Variants in ACAN observed in about 807,000 individuals in gnomAD.
The protein encoded by ACAN is aggrecan.
A neutral mutation model predicts 169.1 loss-of-function variants in ACAN; 47 were observed. The ratio of observed to expected loss-of-function variants is 0.28; its 90% CI spans 0.22 to 0.35. ACAN has a LOEUF of 0.35. Among genes scored for constraint, ACAN ranks in the 10% least tolerant of loss-of-function variants. The pLI, the probability that ACAN is intolerant of heterozygous loss-of-function variation, is 1.00. For synonymous variants in ACAN, 1,115 were observed against 1,112.2 expected (o/e 1.00, Z -0.05); for missense variants, 2,716 against 2,759.9 (o/e 0.98, Z 0.36).
chr15:88,843,375 T>C lies in ACAN; in HGVS notation c.778T>C (p.Ser260Pro). ...CACAGGTGAGGTCTTTTATGCAACA[T>C]CTCCAGAGAAGTTCACCTTCCAGGA... Reference protein sequence around the residue: ...EMEGEVFYATSPEKFTFQEAA... With the variant: ...EMEGEVFYATPPEKFTFQEAA... The change falls in exon 6 of 19, where the codon TCT becomes CCT. Residue 260 changes from serine (S) to proline (P), a missense_variant. Physicochemically the swap from Ser to Pro is moderately conservative, Grantham distance 74. Around this residue, in one of 3 missense-constraint regions of ACAN, gnomAD observed 1,283 missense variants for 1,281.5 expected, o/e 1.00. Transcript: ENST00000560601. This position sits in a 1 kb window ranked among gnomAD's most constrained non-coding sequence, Gnocchi z 4.0. The C allele has an allele frequency of 6.3e-7, 1 of 1,584,900 alleles. No homozygotes were observed. The highest frequency in any genetic ancestry group is 8.6e-7 in the Non-Finnish European group (1 of 1,160,028).
chr15:88,837,112 C>T (rs567583857), intron 2 of ACAN, among the ~76,000 whole-genome samples: 3 of 152,334 alleles, frequency 2.0e-5, no homozygotes, highest in African/African-American at 2.4e-5. Flanking sequence ...CATCCTCCTA[C>T]GGGGACACCA....
chr15:88,838,646 C>T lies in ACAN; in HGVS notation c.71-17C>T. 6.4e-7 allele frequency: 1 copy of T among 1,559,942 alleles called. No individual in the cohort carries two copies. The highest frequency in any genetic ancestry group is 8.7e-7 in the Non-Finnish European group (1 of 1,149,684). On this transcript the variant is annotated splice_polypyrimidine_tract_variant and intron_variant, in intron 2 of 18. Transcript: ENST00000560601. The surrounding 1 kb of genome is among the most constrained non-coding windows in gnomAD (Gnocchi z 5.1). ...GGCACTAACAGGTCTCTCTTCTACC[C>T]CACCTCTCCCACACAGACCATGACA... is the stretch of plus-strand genomic sequence containing the variant.
At position 88,871,680 on chromosome 15, in the gene ACAN, G is replaced by A. The variant is rs1941992511; in HGVS notation, c.7219+140G>A. 1 of 1,231,532 alleles carries A rather than the reference G, an allele frequency of 8.1e-7. No individual in the cohort carries two copies. Among genetic ancestry groups the A allele is most frequent in the South Asian group, 1.5e-5 (1 of 64,834 alleles). The allele number at this position is 1,231,532 out of a possible 1,614,324, so 76.3% of individuals were successfully genotyped here. ...GGGGAGGGGGAACAGTGTTCCCACAGTCTGAGCTCCCAGAGAGAAGACAAC... is the reference window on the plus strand; with the variant it reads ...GGGGAGGGGGAACAGTGTTCCCACAATCTGAGCTCCCAGAGAGAAGACAAC... On this transcript the variant is annotated intron_variant, in intron 15 of 18. Coordinates refer to ENST00000560601, the MANE Select transcript of ACAN (RefSeq NM_001369268.1). This position sits in a 1 kb window ranked among gnomAD's most constrained non-coding sequence, Gnocchi z 7.8.
intron 12 of ACAN, among the ~76,000 whole-genome samples, 166 bp from the exon 13 acceptor site, chr15:88,860,160 T>C (rs1390235136): frequency 7.0e-6 from 1 of 142,628 alleles, no homozygotes; most frequent in African/African-American, 2.8e-5. Context: ...CTCCCCCCGA[T>C]GCTGTGGGCC....
In ACAN at chr15:88,858,064, T is replaced by G. The variant is rs756182341; in HGVS notation, c.5479T>G (p.Ser1827Ala). The change falls in exon 12 of 19, where the codon TCT (serine) becomes GCT (alanine). Residue 1827 changes from serine (S) to alanine (A), a missense_variant. By Grantham distance (99) the Ser-to-Ala change is moderately conservative. Transcript: ENST00000560601. The surrounding 1 kb of genome is among the most constrained non-coding windows in gnomAD (Gnocchi z 4.0). ...SGTTSGSGES[S>A]GITFVDTSLV... ...TACCACGAGTGGCAGCGGTGAATCTTCTGGGATTACATTTGTGGACACCAG... is the reference window on the plus strand; with the variant it reads ...TACCACGAGTGGCAGCGGTGAATCTGCTGGGATTACATTTGTGGACACCAG... 1.9e-6 allele frequency: 3 copies of G among 1,613,784 alleles called. No individual in the cohort carries two copies. The African/African-American group carries it at 4.0e-5, about 22-fold the overall frequency.
chr15:88,829,251 C>G (rs1456977976), intron 1 of ACAN, among the ~76,000 whole-genome samples: 1 of 152,192 alleles, frequency 6.6e-6, no homozygotes, highest in Admixed American at 6.5e-5. Flanking sequence ...GTATTGGCAG[C>G]TACAAAAATT....
In ACAN at chr15:88,874,197, G is replaced by C; in HGVS notation, c.7630+173G>C. 1 of 1,057,668 alleles carries C rather than the reference G, an allele frequency of 9.5e-7. No homozygotes were observed. The highest frequency in any genetic ancestry group is 1.4e-6 in the Non-Finnish European group (1 of 711,272). The allele number at this position is 1,057,668 out of a possible 1,614,324, so 65.5% of individuals were successfully genotyped here. ...TGACCACTGCCCTTAGAAGGGCCAC[G>C]TACTTGTCCCAGGAGAGGGCTCACT... On this transcript the variant is annotated intron_variant, in intron 18 of 18. Coordinates refer to ENST00000560601, the MANE Select transcript of ACAN (RefSeq NM_001369268.1). This position sits in a 1 kb window ranked among gnomAD's most constrained non-coding sequence, Gnocchi z 7.3.
In ACAN at chr15:88,868,329, G is replaced by T; in HGVS notation, c.7060G>T (p.Asp2354Tyr). ...PSYEGDLCEI[D>Y]QEVCEEGWNK... Reference sequence around the variant, plus strand: ...CTACGAAGGGGACCTGTGTGAGATTGGTACGGCCGTCTTGGCTTCAGCTAA... The same window carrying T: ...CTACGAAGGGGACCTGTGTGAGATTTGTACGGCCGTCTTGGCTTCAGCTAA... The change falls in exon 14 of 19, where the codon GAC becomes TAC. Residue 2354 changes from aspartate (D) to tyrosine (Y), a missense_variant and splice_region_variant. By Grantham distance (160) the Asp-to-Tyr change is radical (BLOSUM62 -3). Transcript: ENST00000560601. This position sits in a 1 kb window ranked among gnomAD's most constrained non-coding sequence, Gnocchi z 5.2. 1.4e-6 allele frequency: 1 copy of T among 702,618 alleles called. No homozygotes were observed. Among genetic ancestry groups the T allele is most frequent in the South Asian group, 1.5e-5 (1 of 67,554 alleles). The allele number at this position is 702,618 out of a possible 1,614,324, so 43.5% of individuals were successfully genotyped here.
intron 1 of ACAN, among the ~76,000 whole-genome samples, chr15:88,818,675 A>G (rs1453975247): frequency 1.3e-5 from 2 of 152,218 alleles, no homozygotes; most frequent in African/African-American, 2.4e-5. Flanking sequence ...TGTTGGACTC[A>G]TTGGAAGATA....
At chr15:88,809,218 G>C (rs753449413) in intron 1 of ACAN, among the ~76,000 whole-genome samples, 1 of 152,140 alleles carries the variant, frequency 6.6e-6, no homozygotes, top group African/African-American at 2.4e-5. Flanking sequence ...TTTGGGGCAG[G>C]GTTGCCATAG....
In ACAN at chr15:88,855,277, G is replaced by C. The variant is rs1897026162; in HGVS notation, c.2692G>C (p.Asp898His). 1 of 1,610,576 alleles carries C rather than the reference G, an allele frequency of 6.2e-7. No homozygotes were observed. The highest frequency in any genetic ancestry group is 8.5e-7 in the Non-Finnish European group (1 of 1,177,542). Residue 898 changes from aspartate (D) to histidine (H), a missense_variant, in exon 12 of 19, where the codon GAC becomes CAC. Asp to His is a moderately conservative substitution (Grantham distance 81). Around this residue, in one of 3 missense-constraint regions of ACAN, gnomAD observed 1,283 missense variants for 1,281.5 expected, o/e 1.00. Transcript: ENST00000560601. ...CAGGGCAAGTGGACTGCCCTCTGGA[G>C]ACCTGGACTCCAGTGGTCTTACTTC... ...GDRASGLPSG[D>H]LDSSGLTSTV...
chr15:88,854,264 C>G (rs1896997574), intron 11 of ACAN, among the ~76,000 whole-genome samples: 1 of 152,178 alleles, frequency 6.6e-6, no homozygotes, highest in African/African-American at 2.4e-5. Flanking sequence ...ACAAGGAGGG[C>G]TTGCTAAAAC....
intron 2 of ACAN, among the ~76,000 whole-genome samples, chr15:88,836,715 T>C (rs1326562479): frequency 6.6e-6 from 1 of 152,206 alleles, no homozygotes; most frequent in African/African-American, 2.4e-5. Context: ...CCCCAGGGAA[T>C]CAGACAGGTC....
Position 88,807,352 on chromosome 15 carries a change from C to T in ACAN, c.-8+3543C>T, listed in dbSNP as rs180958449. 1.3e-5 allele frequency among the ~76,000 whole-genome samples: 2 copies of T among 152,346 alleles called. No individual in the cohort carries two copies. Among genetic ancestry groups the T allele is most frequent in the Admixed American group, 6.5e-5 (1 of 15,312 alleles). On this transcript the variant is annotated intron_variant, in intron 1 of 18. Transcript: ENST00000560601. This position sits in a 1 kb window ranked among gnomAD's most constrained non-coding sequence, Gnocchi z 4.0. ...AGGAGCCTTCCTCTCCTGCTGTCAA[C>T]GGCCTGGCCTCGTGGCCATGCTTCG...
Position 88,857,881 on chromosome 15 carries a change from A to C in ACAN, c.5296A>C (p.Ser1766Arg). The C allele has an allele frequency of 6.2e-7, 1 of 1,613,530 alleles. No homozygotes were observed. Among genetic ancestry groups the C allele is most frequent in the Non-Finnish European group, 8.5e-7 (1 of 1,179,690 alleles). The change falls in exon 12 of 19, where the codon AGT becomes CGT. Residue 1766 changes from serine to arginine, a missense_variant. Coordinates refer to ENST00000560601, the MANE Select transcript of ACAN (RefSeq NM_001369268.1). ...SGLSSGQPGI[S>R]GEASGVLYGT... ...GCTGTCCTCTGGACAACCAGGTATT[A>C]GTGGAGAAGCATCTGGAGTTCTTTA...
intron 7 of ACAN, 43 bp from the exon 8 acceptor site, chr15:88,847,199 CA>C: frequency 2.0e-6 from 3 of 1,497,726 alleles, no homozygotes; most frequent in Non-Finnish European, 2.7e-6. Flanking sequence ...GGAAGCTGCA[CA>C]CCGTGGGTCC....
chr15:88,859,485 A>G (rs1897149286), intron 12 of ACAN, 68 bp downstream of exon 12: 7 of 1,547,170 alleles, frequency 4.5e-6, no homozygotes, highest in Middle Eastern at 1.7e-4. Context: ...GCAGCACAGA[A>G]GGAGGCAGCA....
At chr15:88,820,626 A>G (rs1213258165) in intron 1 of ACAN, among the ~76,000 whole-genome samples, 2 of 152,068 alleles carry the variant, frequency 1.3e-5, no homozygotes, top group African/African-American at 4.8e-5. Flanking sequence ...GTACCTGTCC[A>G]TCAAGGCTAA....
chr15:88,872,271 T>A lies in ACAN; in HGVS notation c.7302+186T>A, dbSNP rs1163795990. On this transcript the variant is annotated intron_variant, in intron 16 of 18. Coordinates refer to ENST00000560601, the MANE Select transcript of ACAN (RefSeq NM_001369268.1). The surrounding 1 kb of genome is among the most constrained non-coding windows in gnomAD (Gnocchi z 5.4). Reference sequence around the variant, plus strand: ...GAACCCAGCCCGGGGCTGGACAGATTGAGCTAATGATGGCAAGAGGCAAGG... The same window carrying A: ...GAACCCAGCCCGGGGCTGGACAGATAGAGCTAATGATGGCAAGAGGCAAGG... 1.3e-5 allele frequency among the ~76,000 whole-genome samples: 2 copies of A among 152,120 alleles called. No individual in the cohort carries two copies. Among genetic ancestry groups the A allele is most frequent in the Non-Finnish European group, 2.9e-5 (2 of 68,004 alleles).
Sources: allele counts gnomAD v4.1 joint callset (sites outside exome capture counted in the v4.1 genomes callset), GRCh38; gene constraint gnomAD v4.1.1; regional missense constraint gnomAD v4.1.1; non-coding constraint Gnocchi (gnomAD v3.1); transcripts MANE v1.5; gene names NCBI Gene and HGNC (gene_info 2026-07-23, HGNC 2026-07-21).